LYPD5: variants seen among roughly 807,000 people sequenced by gnomAD.
LYPD5 encodes LY6/PLAUR domain containing 5.
A neutral mutation model predicts 19.1 loss-of-function variants in LYPD5; 21 were observed. The observed-to-expected ratio is 1.10, with a 90% CI of 0.78 to 1.58. The LOEUF is 1.58. LYPD5 is among the 40% of genes most tolerant of loss of function. The pLI, the probability that LYPD5 is intolerant of heterozygous loss-of-function variation, is 0.00. For synonymous variants in LYPD5, 128 were observed against 142.7 expected (o/e 0.90, Z 0.74); for missense variants, 287 against 329.8 (o/e 0.87, Z 1.00).
intron 1 of LYPD5, among the ~76,000 whole-genome samples, chr19:43,808,173 G>A (rs952848289): frequency 5.3e-5 from 8 of 152,244 alleles, no homozygotes; most frequent in African/African-American, 1.7e-4. Context: ...GTGCAGTGGC[G>A]TGATCTTGAC....
chr19:43,817,777 C>T (rs922638753), intron 1 of LYPD5, among the ~76,000 whole-genome samples: 3 of 151,476 alleles, frequency 2.0e-5, no homozygotes, highest in South Asian at 2.1e-4. Flanking sequence ...AGTGCAGTGG[C>T]GCCATCTCAG....
chr19:43,815,623 TAAAAAAAGA>T (rs201307668), intron 1 of LYPD5: 1,969 of 189,100 alleles, frequency 0.01, 38 homozygotes, highest in African/African-American at 0.045. Flanking sequence ...CTAGAACTAT[TAAAAAAAGA>T]GAAAAAAAGA....
At position 43,802,325 on chromosome 19, in the gene LYPD5, C is replaced by G; in HGVS notation, c.56G>C (p.Cys19Ser). The G allele has an allele frequency of 6.4e-7, 1 of 1,551,648 alleles. No homozygotes were observed. Among genetic ancestry groups the G allele is most frequent in the South Asian group, 1.2e-5 (1 of 84,064 alleles). The change falls in exon 1 of 5, where the codon TGC becomes TCC. Residue 19 changes from cysteine to serine, a missense_variant. Cys to Ser is a moderately radical substitution (Grantham distance 112). Coordinates refer to ENST00000377950, the MANE Select transcript of LYPD5 (RefSeq NM_001031749.3). ...ILLCLFGAAL[C>S]LTGSQALQCY... ...TTCAGAAGTTTGCGTACCTGTCAGG[C>G]AGAGCGCAGCCCCAAAGAGGCAGAG...
At chr19:43,814,408 C>A (rs888629779) in intron 1 of LYPD5, among the ~76,000 whole-genome samples, 1 of 152,158 alleles carries the variant, frequency 6.6e-6, no homozygotes, top group African/African-American at 2.4e-5. Flanking sequence ...ATGAAAAAAT[C>A]ACTTGAACCC....
In LYPD5 at chr19:43,799,002, C is replaced by A. The variant is rs1970181089; in HGVS notation, c.194-14G>T. Reference sequence around the variant, plus strand: ...GCGCGCGATACCCTGGGGGCGGGATCGGGGCTCGTGCTCTGCTTCCCGAAA... The same window carrying A: ...GCGCGCGATACCCTGGGGGCGGGATAGGGGCTCGTGCTCTGCTTCCCGAAA... On this transcript the variant is annotated splice_polypyrimidine_tract_variant and intron_variant, in intron 2 of 4. Coordinates refer to ENST00000377950, the MANE Select transcript of LYPD5 (RefSeq NM_001031749.3). The A allele has an allele frequency of 6.4e-7, 1 of 1,552,150 alleles. No individual in the cohort carries two copies.
At chr19:43,816,786 A>G (rs1180503440) in intron 1 of LYPD5, among the ~76,000 whole-genome samples, 1 of 152,208 alleles carries the variant, frequency 6.6e-6, no homozygotes, top group African/African-American at 2.4e-5. Flanking sequence ...CCGGTGAGAG[A>G]TAACTGAATC....
upstream of LYPD5, among the ~76,000 whole-genome samples, chr19:43,806,281 G>A (rs1275276521): frequency 6.6e-6 from 1 of 152,148 alleles, no homozygotes; most frequent in Non-Finnish European, 1.5e-5. Flanking sequence ...AAGGGATCTA[G>A]GTTATGCATT....
intron 1 of LYPD5, among the ~76,000 whole-genome samples, chr19:43,816,737 A>C (rs1252196868): frequency 6.6e-6 from 1 of 152,212 alleles, no homozygotes; most frequent in Non-Finnish European, 1.5e-5. Flanking sequence ...CTCATCTTGA[A>C]TTGTAGCTCC....
rs1263610306 is a variant in LYPD5 at position 43,802,365 on chromosome 19, G to C, written c.16C>G (p.Pro6Ala). 6.4e-7 allele frequency: 1 copy of C among 1,551,632 alleles called. No homozygotes were observed. Among genetic ancestry groups the C allele is most frequent in the Admixed American group, 2.0e-5 (1 of 50,996 alleles). The change falls in exon 1 of 5, where the codon CCC becomes GCC. Residue 6 changes from proline to alanine, a missense_variant. Pro to Ala is a conservative substitution (Grantham distance 27). Transcript: ENST00000377950. ...AAGAGGCAGAGCAGAATGACTCTGG[G>C]GACCCCCATTGCCATTGCTGAGCTG... MAMGV[P>A]RVILLCLFGA...
At chr19:43,809,474 G>A (rs569380470) in intron 1 of LYPD5, among the ~76,000 whole-genome samples, 6 of 152,068 alleles carry the variant, frequency 3.9e-5, no homozygotes, top group African/African-American at 9.7e-5. Context: ...TTCGCCTCCC[G>A]GGTTCAAGCG....
In LYPD5 at chr19:43,802,349, A is replaced by G. The variant is rs528086486; in HGVS notation, c.32T>C (p.Leu11Pro). The G allele has an allele frequency of 2.6e-6, 4 of 1,551,704 alleles. No individual in the cohort carries two copies. In the Admixed American group the frequency reaches 7.8e-5, roughly 30 times the overall value. Residue 11 changes from leucine (L) to proline (P), a missense_variant, in exon 1 of 5, where the codon CTC becomes CCC. Physicochemically the swap from Leu to Pro is moderately conservative, Grantham distance 98. Transcript: ENST00000377950. MAMGVPRVIL[L>P]CLFGAALCLT... ...GCAGAGCGCAGCCCCAAAGAGGCAG[A>G]GCAGAATGACTCTGGGGACCCCCAT...
chr19:43,799,509 C>T (rs1397257981), intron 2 of LYPD5, among the ~76,000 whole-genome samples, 197 bp downstream of exon 2: 1 of 152,160 alleles, frequency 6.6e-6, no homozygotes, highest in Non-Finnish European at 1.5e-5. Context: ...TCCCAAAGTG[C>T]TAGAGTTACA....
At chr19:43,801,474 C>A (rs1268127498) in intron 1 of LYPD5, among the ~76,000 whole-genome samples, 1 of 152,124 alleles carries the variant, frequency 6.6e-6, no homozygotes, top group East Asian at 1.9e-4. Flanking sequence ...GCACTCCAGC[C>A]TGGGCGACAG....
intron 1 of LYPD5, among the ~76,000 whole-genome samples, chr19:43,808,093 C>T (rs1257198918): frequency 2.0e-5 from 3 of 152,192 alleles, no homozygotes; most frequent in Non-Finnish European, 4.4e-5. Flanking sequence ...TTCTGTCTAC[C>T]GTTACTGTCT....
intron 1 of LYPD5, among the ~76,000 whole-genome samples, chr19:43,809,473 C>A (rs1048513527): frequency 6.6e-6 from 1 of 152,110 alleles, no homozygotes. Context: ...CTTCGCCTCC[C>A]GGGTTCAAGC....
intron 2 of LYPD5, among the ~76,000 whole-genome samples, chr19:43,799,420 T>C (rs918524371): frequency 6.6e-6 from 1 of 152,118 alleles, no homozygotes; most frequent in Non-Finnish European, 1.5e-5. Flanking sequence ...ACTTTTTGTA[T>C]ATTTAGTAGA....
chr19:43,818,517 A>G (rs73050555), intron 1 of LYPD5, among the ~76,000 whole-genome samples: 29,010 of 152,080 alleles, frequency 0.19, 2,805 homozygotes, highest in Non-Finnish European at 0.21. Flanking sequence ...GAGACTATTA[A>G]CTCCGCTGTA....
chr19:43,814,913 T>C (rs1347676913), intron 1 of LYPD5, among the ~76,000 whole-genome samples: 1 of 152,218 alleles, frequency 6.6e-6, no homozygotes, highest in East Asian at 1.9e-4. Context: ...TGATGTCCCA[T>C]GGTCAAAATC....
chr19:43,816,200 G>C (rs1970375326), intron 1 of LYPD5, among the ~76,000 whole-genome samples: 1 of 152,152 alleles, frequency 6.6e-6, no homozygotes, highest in Admixed American at 6.5e-5. Flanking sequence ...AGATACTATG[G>C]CATGTCCCAG....
Sources: gnomAD v4.1 joint callset for allele counts (sites outside exome capture counted in the v4.1 genomes callset) on GRCh38, gnomAD v4.1.1 for gene constraint, MANE v1.5 for transcripts, NCBI Gene and HGNC (gene_info 2026-07-23, HGNC 2026-07-21) for gene names.